SUCLG2: variants seen among roughly 807,000 people sequenced by gnomAD.
SUCLG2 encodes succinate--CoA ligase [GDP-forming] subunit beta, mitochondrial.
SUCLG2 carries 42 observed loss-of-function variants against 47.9 expected under a neutral mutation model. The observed-to-expected ratio is 0.88, with a 90% CI of 0.69 to 1.14. The LOEUF is 1.14. SUCLG2 is among the 50% of genes most tolerant of loss of function. The pLI, the probability that SUCLG2 is intolerant of heterozygous loss-of-function variation, is 0.00. For missense variants in SUCLG2, 571 were observed against 525.9 expected (o/e 1.09, Z -0.84); for synonymous variants, 195 against 197.3 (o/e 0.99, Z 0.10).
intron 5 of SUCLG2, among the ~76,000 whole-genome samples, chr3:67,519,859 C>T (rs1267727736): frequency 1.3e-5 from 2 of 152,092 alleles, no homozygotes; most frequent in African/African-American, 2.4e-5. Flanking sequence ...GAAATCACCC[C>T]ATGTTCATTT....
At position 67,562,027 on chromosome 3, in the gene SUCLG2, C is replaced by G. The variant is rs147331564; in HGVS notation, c.227-32841G>C. 2.9e-3 allele frequency among the ~76,000 whole-genome samples: 448 copies of G among 152,272 alleles called. 5 individuals carry two copies. The highest frequency in any genetic ancestry group is 0.01 in the African/African-American group (429 of 41,562). ...AGGTTTTGGCCCCTCTTCCTACACC[C>G]CTGCCCCTACTCCCTTCTGCATTTT... On this transcript the variant is annotated intron_variant, in intron 2 of 10. Transcript: ENST00000307227.
At chr3:67,425,268 C>G (rs769421979) in intron 9 of SUCLG2, among the ~76,000 whole-genome samples, 2 of 152,004 alleles carry the variant, frequency 1.3e-5, no homozygotes, top group East Asian at 3.9e-4. Flanking sequence ...GTGGACTGAC[C>G]CACACCTCTG....
chr3:67,516,126 T>C (rs754088446), intron 6 of SUCLG2, among the ~76,000 whole-genome samples: 29 of 152,304 alleles, frequency 1.9e-4, no homozygotes, highest in Middle Eastern at 3.4e-3. Flanking sequence ...CTATCAGTGC[T>C]CATTCCAAGC....
chr3:67,604,116 T>C (rs1708477871), intron 2 of SUCLG2, among the ~76,000 whole-genome samples: 1 of 152,184 alleles, frequency 6.6e-6, no homozygotes, highest in African/African-American at 2.4e-5. Flanking sequence ...AAAATGAGGA[T>C]CTCACTCAAT....
chr3:67,563,949 G>A (rs1575781418), intron 2 of SUCLG2, among the ~76,000 whole-genome samples: 1 of 125,880 alleles, frequency 7.9e-6, no homozygotes. Flanking sequence ...AACAGAGTGA[G>A]ACTCTGTCTC....
intron 9 of SUCLG2, among the ~76,000 whole-genome samples, chr3:67,438,902 C>T (rs886103590): frequency 7.9e-5 from 12 of 152,146 alleles, no homozygotes; most frequent in Admixed American, 7.9e-4. Flanking sequence ...ACTGCATCAT[C>T]CTGATACCAA....
chr3:67,495,713 CA>C (rs1705317746), intron 9 of SUCLG2, 84 bp downstream of exon 9: 1 of 1,452,910 alleles, frequency 6.9e-7, no homozygotes, highest in Non-Finnish European at 9.5e-7. Context: ...ATTGACTTAT[CA>C]ACTCTCACCA....
intron 2 of SUCLG2, among the ~76,000 whole-genome samples, chr3:67,551,468 A>G (rs931777219): frequency 1.3e-5 from 2 of 152,126 alleles, no homozygotes; most frequent in Non-Finnish European, 2.9e-5. Flanking sequence ...TCTGGCAGAG[A>G]ACACAACACT....
At chr3:67,633,759 C>A (rs1422030441) in intron 1 of SUCLG2, among the ~76,000 whole-genome samples, 1 of 152,092 alleles carries the variant, frequency 6.6e-6, no homozygotes, top group African/African-American at 2.4e-5. Context: ...ATGAAGGGCC[C>A]TCAGAGGAAA....
chr3:67,398,722 A>G (rs62256375), intron 10 of SUCLG2, among the ~76,000 whole-genome samples: 5,973 of 152,242 alleles, frequency 0.039, 170 homozygotes, highest in Non-Finnish European at 0.064. Flanking sequence ...ACATGCACAC[A>G]TATGTTTATT....
intron 1 of SUCLG2, among the ~76,000 whole-genome samples, chr3:67,648,806 TC>T (rs1483397717): frequency 6.6e-6 from 1 of 152,174 alleles, no homozygotes; most frequent in Non-Finnish European, 1.5e-5. Context: ...CTTCTCCTGT[TC>T]CTTACCTCCC....
At chr3:67,497,828 C>T (rs983789138) in intron 8 of SUCLG2, among the ~76,000 whole-genome samples, 1 of 152,094 alleles carries the variant, frequency 6.6e-6, no homozygotes, top group Non-Finnish European at 1.5e-5. Context: ...GTTTATTTGT[C>T]TTCACAAGTG....
intron 10 of SUCLG2, among the ~76,000 whole-genome samples, chr3:67,384,403 G>C (rs1702218866): frequency 6.6e-6 from 1 of 152,190 alleles, no homozygotes; most frequent in East Asian, 1.9e-4. Context: ...GTTAAAAAAA[G>C]ATTACTGTGA....
intron 9 of SUCLG2, among the ~76,000 whole-genome samples, chr3:67,490,140 ACT>A (rs141478745): frequency 6.6e-6 from 1 of 152,116 alleles, no homozygotes; most frequent in Non-Finnish European, 1.5e-5. Flanking sequence ...ATTCAAATCA[ACT>A]CCTGACAATT....
At chr3:67,588,840 CA>C (rs1168403090) in intron 2 of SUCLG2, among the ~76,000 whole-genome samples, 1 of 152,134 alleles carries the variant, frequency 6.6e-6, no homozygotes, top group African/African-American at 2.4e-5. Flanking sequence ...TTAATATTGG[CA>C]AAATGATTAC....
Position 67,400,722 on chromosome 3 carries a change from A to G in SUCLG2, c.1183+9T>C, listed in dbSNP as rs1702663368. The stretch of plus-strand genomic sequence containing the variant: ...GGTGCTGGCACAGCGGAAATCTACC[A>G]TGACTCACCTTCAAGCCGGACCACC... On this transcript the variant is annotated intron_variant, in intron 10 of 10. Transcript: ENST00000307227. 3 of 1,610,774 alleles carry G rather than the reference A, an allele frequency of 1.9e-6. No homozygotes were observed. Among genetic ancestry groups the G allele is most frequent in the South Asian group, 1.1e-5 (1 of 90,734 alleles).
intron 1 of SUCLG2, among the ~76,000 whole-genome samples, chr3:67,626,913 C>CAAAA (rs35290770): frequency 3.8e-4 from 16 of 42,048 alleles, no homozygotes; most frequent in African/African-American, 5.3e-4. Flanking sequence ...GACTCCGTCT[C>CAAAA]AAAAAAAAAA....
intron 10 of SUCLG2, among the ~76,000 whole-genome samples, chr3:67,392,217 T>C (rs1702404101): frequency 2.6e-5 from 4 of 152,122 alleles, no homozygotes; most frequent in Non-Finnish European, 1.5e-5. Context: ...CACTTCACAG[T>C]GACATCTTTC....
chr3:67,617,223 T>C (rs1049613404), intron 1 of SUCLG2, among the ~76,000 whole-genome samples: 12 of 152,174 alleles, frequency 7.9e-5, no homozygotes, highest in Admixed American at 2.6e-4. Flanking sequence ...AACTGTGCCA[T>C]CCGGTAAAAG....
Sources: gnomAD v4.1 joint callset for allele counts (sites outside exome capture counted in the v4.1 genomes callset) on GRCh38, gnomAD v4.1.1 for gene constraint, MANE v1.5 for transcripts, NCBI Gene and HGNC (gene_info 2026-07-23, HGNC 2026-07-21) for gene names.